The following FGFR2 variants were observed in gnomAD, a reference collection of about 807,000 sequenced individuals.
FGFR2 encodes BEK fibroblast growth factor receptor.
Under a neutral mutation model 95.9 loss-of-function variants are expected in FGFR2, and 19 were observed. The ratio of observed to expected loss-of-function variants is 0.20; its 90% CI spans 0.14 to 0.29. FGFR2 has a LOEUF of 0.29. Among genes scored for constraint, FGFR2 ranks in the 10% least tolerant of loss-of-function variants. The pLI is 1.00. For synonymous variants in FGFR2, 392 were observed against 393.3 expected (o/e 1.00, Z 0.04); for missense variants, 707 against 1,056.9 (o/e 0.67, Z 4.59).
chr10:121,560,136 C>A lies in FGFR2; in HGVS notation c.454+4366G>T, dbSNP rs117072451. On this transcript the variant is annotated intron_variant, in intron 4 of 17. Transcript: ENST00000358487. ...ATGCTCTCAGGCAACAGGCCTACAA[C>A]TGAAACGCAGCCCTTCTTTTGCTTG... Among the ~76,000 whole-genome samples, 246 of 152,270 alleles carry A rather than the reference C, an allele frequency of 1.6e-3. 3 individuals carry two copies. Among genetic ancestry groups the A allele is most frequent in the East Asian group, 8.5e-3 (44 of 5,148 alleles).
chr10:121,489,562 C>T (rs1028541314), intron 13 of FGFR2, among the ~76,000 whole-genome samples: 17 of 152,264 alleles, frequency 1.1e-4, no homozygotes, highest in African/African-American at 3.9e-4. Context: ...TGCGCAAGTT[C>T]GTATCTCCAT....
intron 5 of FGFR2, among the ~76,000 whole-genome samples, chr10:121,540,601 G>C (rs1314987936): frequency 1.3e-5 from 2 of 152,126 alleles, no homozygotes; most frequent in African/African-American, 4.8e-5. Flanking sequence ...GACCCAAAAG[G>C]AGACCCTCCC....
Position 121,499,996 on chromosome 10 carries a change from G to A in FGFR2, c.1561+830C>T, listed in dbSNP as rs77971410. Among the ~76,000 whole-genome samples the A allele has an allele frequency of 8.7e-4, 132 of 152,272 alleles. 1 individual carries two copies. Among genetic ancestry groups the A allele is most frequent in the African/African-American group, 2.3e-3 (95 of 41,568 alleles). ...CAAAGCCTAACTCCAGAGCGCCTGC[G>A]ACATGCCCAGCACCATATCCCAAGG... On this transcript the variant is annotated intron_variant, in intron 11 of 17. Coordinates refer to ENST00000358487, the MANE Select transcript of FGFR2 (RefSeq NM_000141.5).
intron 11 of FGFR2, among the ~76,000 whole-genome samples, chr10:121,498,977 G>A (rs1847241702): frequency 6.6e-6 from 1 of 152,282 alleles, no homozygotes; most frequent in Admixed American, 6.5e-5. Context: ...ACCGAGGGTA[G>A]GGCCATTTCA....
chr10:121,535,128 G>A (rs1011988505), intron 6 of FGFR2, among the ~76,000 whole-genome samples: 9 of 152,180 alleles, frequency 5.9e-5, no homozygotes, highest in Non-Finnish European at 1.3e-4. Flanking sequence ...GCAGAGATTG[G>A]AGCGGTGCCT....
chr10:121,493,783 C>T (rs545607761), intron 13 of FGFR2, among the ~76,000 whole-genome samples: 3 of 152,176 alleles, frequency 2.0e-5, no homozygotes, highest in South Asian at 2.1e-4. Context: ...ATTATCTCCC[C>T]TTGGATGACT....
intron 9 of FGFR2, among the ~76,000 whole-genome samples, chr10:121,505,384 C>T (rs1848137237): frequency 6.6e-6 from 1 of 152,226 alleles, no homozygotes; most frequent in Admixed American, 6.5e-5. Flanking sequence ...ATGAGCACTT[C>T]CTGAGCCTTC....
chr10:121,576,587 G>A (rs1408858175), intron 2 of FGFR2, among the ~76,000 whole-genome samples: 1 of 152,126 alleles, frequency 6.6e-6, no homozygotes, highest in Non-Finnish European at 1.5e-5. Flanking sequence ...CTACAGAGTT[G>A]TCACTCTGTA....
At chr10:121,584,248 G>A (rs1861410816) in intron 2 of FGFR2, among the ~76,000 whole-genome samples, 1 of 151,844 alleles carries the variant, frequency 6.6e-6, no homozygotes, top group Non-Finnish European at 1.5e-5. Context: ...GTGTTCAGGG[G>A]AGGTCACTAC....
Position 121,479,519 on chromosome 10 carries a change from T to C in FGFR2, c.*338A>G. 1 of 1,400,140 alleles carries C rather than the reference T, an allele frequency of 7.1e-7. No homozygotes were observed. Among genetic ancestry groups the C allele is most frequent in the Non-Finnish European group, 9.8e-7 (1 of 1,021,432 alleles). The allele number at this position is 1,400,140 out of a possible 1,614,324, so 86.7% of individuals were successfully genotyped here. The stretch of plus-strand genomic sequence containing the variant: ...TGTGCTCTGTAAGTGTGTGCTGACA[T>C]AAATCTTCTCCAATTATTACAAAAT... On this transcript the variant is annotated 3_prime_UTR_variant, in exon 18 of 18. Transcript: ENST00000358487.
intron 7 of FGFR2, among the ~76,000 whole-genome samples, chr10:121,519,745 T>C (rs917864331): frequency 2.6e-5 from 4 of 152,240 alleles, no homozygotes; most frequent in Non-Finnish European, 5.9e-5. Context: ...CTATTCTCTC[T>C]CCAAGTTTAG....
intron 1 of FGFR2, 138 bp from the exon 2 acceptor site, chr10:121,594,105 T>A (rs1319735242): frequency 1.9e-6 from 1 of 532,328 alleles, no homozygotes; most frequent in Admixed American, 3.1e-5. Context: ...AATCCTTCCA[T>A]CCTCACCTCA....
chr10:121,489,412 CCT>C (rs1845848584), intron 13 of FGFR2, among the ~76,000 whole-genome samples: 1 of 152,152 alleles, frequency 6.6e-6, no homozygotes, highest in Admixed American at 6.5e-5. Context: ...CCCTCAGCTG[CCT>C]CTCTGTCTCT....
At chr10:121,480,196 C>T in intron 17 of FGFR2, 175 bp from the exon 18 acceptor site, 7 of 797,382 alleles carry the variant, frequency 8.8e-6, no homozygotes, top group Non-Finnish European at 1.5e-5. Context: ...GACAGGAGAC[C>T]CCTAGAAGGT....
At chr10:121,514,642 C>T (rs1419290527) in intron 9 of FGFR2, among the ~76,000 whole-genome samples, 2 of 152,170 alleles carry the variant, frequency 1.3e-5, no homozygotes, top group South Asian at 2.1e-4. Context: ...TCAGATGCAC[C>T]CCCAGGGCAT....
intron 13 of FGFR2, among the ~76,000 whole-genome samples, chr10:121,489,958 G>A (rs1426779219): frequency 2.6e-5 from 4 of 152,034 alleles, no homozygotes; most frequent in Non-Finnish European, 5.9e-5. Context: ...GTCCTTTCTT[G>A]GTCTCTACCA....
At chr10:121,537,463 T>A (rs1196351773) in intron 6 of FGFR2, among the ~76,000 whole-genome samples, 1 of 152,244 alleles carries the variant, frequency 6.6e-6, no homozygotes, top group Non-Finnish European at 1.5e-5. Context: ...ATTATTTTTT[T>A]AGTGGCTTTT....
At position 121,525,624 on chromosome 10, in the gene FGFR2, G is replaced by GGAGAGAGAGA. The variant is rs3035990; in HGVS notation, c.749-5465_749-5456dup. Among the ~76,000 whole-genome samples the GGAGAGAGAGA allele has an allele frequency of 6.0e-3, 902 of 149,364 alleles. 12 individuals are homozygous for GGAGAGAGAGA. The highest frequency in any genetic ancestry group is 0.021 in the African/African-American group (853 of 40,468). On this transcript the variant is annotated intron_variant, in intron 6 of 17. Transcript: ENST00000358487. The stretch of plus-strand genomic sequence containing the variant: ...TTCCTTCCAAGAGGTCATTATTGAG[G>GGAGAGAGAGA]GAGAGAGAGAGAGAGAGAGAGAGGA...
chr10:121,501,317 T>C (rs1271335308), intron 10 of FGFR2, among the ~76,000 whole-genome samples: 3 of 152,250 alleles, frequency 2.0e-5, no homozygotes, highest in South Asian at 4.1e-4. Flanking sequence ...AGACTGTTCT[T>C]ATTTTTTTGT....
Sources: gnomAD v4.1 joint callset for allele counts (sites outside exome capture counted in the v4.1 genomes callset) on GRCh38, gnomAD v4.1.1 for gene constraint, MANE v1.5 for transcripts, NCBI Gene and HGNC (gene_info 2026-07-23, HGNC 2026-07-21) for gene names.